Variants in TMCC1 observed in about 807,000 individuals in gnomAD.
TMCC1 encodes the protein transmembrane and coiled-coil domain family 1, also known as transmembrane and coiled-coil domains protein 1.
A neutral mutation model predicts 52.4 loss-of-function variants in TMCC1; 15 were observed. The observed-to-expected ratio is 0.29, with a 90% CI of 0.19 to 0.44. TMCC1 has a LOEUF of 0.44. TMCC1 is among the 20% of genes least tolerant of loss of function. The pLI, the probability that TMCC1 is intolerant of heterozygous loss-of-function variation, is 1.00. For synonymous variants in TMCC1, 279 were observed against 301.9 expected, an observed-to-expected ratio of 0.92 and a Z score of 0.79; for missense variants, 503 against 806.0, an observed-to-expected ratio of 0.62 and a Z score of 4.55.
intron 4 of TMCC1, among the ~76,000 whole-genome samples, chr3:129,778,674 T>TCG (rs66614369): frequency 2.2e-5 from 3 of 138,740 alleles, no homozygotes; most frequent in Non-Finnish European, 4.7e-5. Flanking sequence ...TAGATCATGG[T>TCG]GGGGGGGGGG....
chr3:129,831,675 A>G (rs2058921355), intron 3 of TMCC1, among the ~76,000 whole-genome samples: 1 of 152,228 alleles, frequency 6.6e-6, no homozygotes, highest in Non-Finnish European at 1.5e-5. Flanking sequence ...TGGCAAAAAT[A>G]CCAACAATAG....
chr3:129,786,840 TCTC>T (rs2107738748), intron 4 of TMCC1, among the ~76,000 whole-genome samples: 1 of 152,318 alleles, frequency 6.6e-6, no homozygotes, highest in South Asian at 2.1e-4. Context: ...TTTTGTATTT[TCTC>T]CTAATAGTAT....
At chr3:129,801,790 C>T (rs573739632) in intron 4 of TMCC1, among the ~76,000 whole-genome samples, 1 of 152,290 alleles carries the variant, frequency 6.6e-6, no homozygotes, top group East Asian at 1.9e-4. Context: ...AACATATGAT[C>T]CTACACTCAA....
At chr3:129,797,365 A>G (rs986554696) in intron 4 of TMCC1, among the ~76,000 whole-genome samples, 1 of 151,710 alleles carries the variant, frequency 6.6e-6, no homozygotes, top group African/African-American at 2.4e-5. Context: ...ATATCTCGGG[A>G]AGAGCAGAGA....
rs557090504 is a variant in TMCC1, at chr3:129,889,709, T to C, written c.-435+3785A>G. Among the ~76,000 whole-genome samples the C allele has an allele frequency of 2.6e-5, 4 of 152,306 alleles. No individual in the cohort carries two copies. In the East Asian group the frequency reaches 7.7e-4, roughly 29 times the overall value. On this transcript the variant is annotated intron_variant, in intron 1 of 6. Transcript: ENST00000393238. ...TAGGACACAAAAGATACTTAAAATA[T>C]GGTCTTTGCCTTCAAGAAGCTTGTT...
At chr3:129,888,363 C>G (rs2061819068) in intron 1 of TMCC1, among the ~76,000 whole-genome samples, 1 of 152,200 alleles carries the variant, frequency 6.6e-6, no homozygotes, top group Non-Finnish European at 1.5e-5. Context: ...CATATATCTC[C>G]TTCCTCCGTC....
intron 4 of TMCC1, among the ~76,000 whole-genome samples, chr3:129,729,548 A>T (rs2050380467): frequency 6.6e-6 from 1 of 152,204 alleles, no homozygotes; most frequent in South Asian, 2.1e-4. Flanking sequence ...AATATTGGCC[A>T]GGCACAGTAG....
In TMCC1 at chr3:129,828,043, T is replaced by C; in HGVS notation, c.336A>G (p.Pro112=). ...AGCTTGTCCCTCTCTTCATCTTGGGTGGCACTCGAATCTGCTGCAGGACAC... is the reference window on the plus strand; with the variant it reads ...AGCTTGTCCCTCTCTTCATCTTGGGCGGCACTCGAATCTGCTGCAGGACAC... ...LNRVLQQIRV[P]PKMKRGTSLH... is the part of the protein sequence containing the mutation. Residue 112 remains proline, a synonymous_variant, in exon 4 of 7, where the codon CCA becomes CCG. Transcript: ENST00000393238. The surrounding 1 kb of genome is among the most constrained non-coding windows in gnomAD (Gnocchi z 4.1). 1 of 1,614,078 alleles carries C rather than the reference T, an allele frequency of 6.2e-7. No homozygotes were observed. Among genetic ancestry groups the C allele is most frequent in the African/African-American group, 1.3e-5 (1 of 75,006 alleles).
At chr3:129,840,049 C>T (rs149955853) in intron 2 of TMCC1, among the ~76,000 whole-genome samples, 7 of 150,316 alleles carry the variant, frequency 4.7e-5, no homozygotes, top group East Asian at 2.0e-4. Context: ...AAGACCAGGC[C>T]GGGTGTAATG....
chr3:129,823,963 A>G (rs2058543282), intron 4 of TMCC1, among the ~76,000 whole-genome samples: 1 of 152,220 alleles, frequency 6.6e-6, no homozygotes, highest in Admixed American at 6.5e-5. Context: ...TAAAGAGTGA[A>G]CTCTACTTTC....
intron 2 of TMCC1, among the ~76,000 whole-genome samples, chr3:129,852,911 T>C (rs763018878): frequency 5.9e-5 from 9 of 152,176 alleles, no homozygotes; most frequent in Non-Finnish European, 1.0e-4. Context: ...AGAATAAAAA[T>C]AGAAGGCTTA....
chr3:129,683,565 C>T (rs145516004), intron 4 of TMCC1, among the ~76,000 whole-genome samples: 160 of 152,246 alleles, frequency 1.1e-3, no homozygotes, highest in African/African-American at 3.4e-3. Context: ...TTCTACATGT[C>T]AATAGGTTTT....
intron 4 of TMCC1, among the ~76,000 whole-genome samples, chr3:129,784,223 G>A (rs2055785695): frequency 1.3e-5 from 2 of 152,044 alleles, no homozygotes; most frequent in African/African-American, 2.4e-5. Flanking sequence ...GGATATAGAA[G>A]TGAATTAAAA....
chr3:129,760,401 AGTGTGTGTGTGTGT>A (rs200322394), intron 4 of TMCC1, among the ~76,000 whole-genome samples: 11 of 137,874 alleles, frequency 8.0e-5, no homozygotes, highest in Middle Eastern at 3.4e-3. Flanking sequence ...ACGCCAGGCT[AGTGTGTGTGTGTGT>A]GTGTGTGTGT....
chr3:129,763,807 CAG>C (rs1486261775), intron 4 of TMCC1, among the ~76,000 whole-genome samples: 2 of 150,224 alleles, frequency 1.3e-5, no homozygotes, highest in Non-Finnish European at 2.9e-5. Flanking sequence ...GCCTGGGAGA[CAG>C]AGTGAGACTC....
chr3:129,766,169 T>A (rs1292038478), intron 4 of TMCC1, among the ~76,000 whole-genome samples: 1 of 152,188 alleles, frequency 6.6e-6, no homozygotes, highest in African/African-American at 2.4e-5. Flanking sequence ...TCCTAACTTG[T>A]GTGTAAATGG....
chr3:129,691,646 T>C (rs1347041301), intron 4 of TMCC1, among the ~76,000 whole-genome samples: 2 of 152,080 alleles, frequency 1.3e-5, no homozygotes, highest in East Asian at 3.9e-4. Context: ...TAGCCGGGCA[T>C]GGTGGTACAT....
intron 4 of TMCC1, among the ~76,000 whole-genome samples, chr3:129,803,324 T>C (rs1428572927): frequency 2.0e-5 from 3 of 151,836 alleles, no homozygotes; most frequent in Non-Finnish European, 2.9e-5. Context: ...CTCCAAGAAA[T>C]GAAAGCAGAA....
chr3:129,763,902 TAAAAAA>T (rs199688769), intron 4 of TMCC1, among the ~76,000 whole-genome samples: 1 of 139,960 alleles, frequency 7.1e-6, no homozygotes, highest in African/African-American at 2.6e-5. Flanking sequence ...TCTACTTACT[TAAAAAA>T]AAAAAAAGTT....
Sources: allele counts gnomAD v4.1 joint callset (sites outside exome capture counted in the v4.1 genomes callset), GRCh38; gene constraint gnomAD v4.1.1; non-coding constraint Gnocchi (gnomAD v3.1); transcripts MANE v1.5; gene names NCBI Gene and HGNC (gene_info 2026-07-23, HGNC 2026-07-21).